The following KRTAP5-8 variants were observed in gnomAD, a reference collection of about 807,000 sequenced individuals.
The protein encoded by KRTAP5-8 is keratin-associated protein 5-8.
A neutral mutation model predicts 2.7 loss-of-function variants in KRTAP5-8; 2 were observed. That is an observed-to-expected ratio of 0.75 (90% CI 0.30 to 2.35). The LOEUF is 2.35. Among genes scored for constraint, KRTAP5-8 ranks in the 30% most tolerant of loss-of-function variants. KRTAP5-8 has a pLI of 0.12. For missense variants in KRTAP5-8, 183 were observed against 227.2 expected (o/e 0.81, Z 1.25); for synonymous variants, 62 against 89.1 (o/e 0.70, Z 1.71).
rs1169047430 is a variant in KRTAP5-8 at position 71,538,189 on chromosome 11, G to A, written c.134G>A (p.Cys45Tyr). Residue 45 changes from cysteine (C) to tyrosine (Y), a missense_variant, in exon 1 of 1, where the codon TGT (cysteine) becomes TAT (tyrosine). This residue lies in a region of KRTAP5-8 where 113 missense variants were observed against 109.3 expected (regional missense o/e 1.03). Transcript: ENST00000398534. ...CCCGTGTGCTGCTGTGTGCCAGCCT[G>A]TTCCTGCTCCAGCTGTGGCTCCTGT... ...CKPVCCCVPACSCSSCGSCGG... is the reference protein window; with the variant it reads ...CKPVCCCVPAYSCSSCGSCGG... 2.5e-6 allele frequency: 4 copies of A among 1,613,140 alleles called. No homozygotes were observed. In the African/African-American group the frequency reaches 5.3e-5, roughly 22 times the overall value.
Position 71,539,003 on chromosome 11 carries a change from A to C in KRTAP5-8, c.*384A>C. ...CCTGGCTCCTCCACCCTTCATCTTCATCCTGCCTGAGCTGCCACAGCTCCG... is the reference window on the plus strand; with the variant it reads ...CCTGGCTCCTCCACCCTTCATCTTCCTCCTGCCTGAGCTGCCACAGCTCCG... On this transcript the variant is annotated 3_prime_UTR_variant, in exon 1 of 1. Transcript: ENST00000398534. The C allele has an allele frequency of 1.6e-5, 6 of 375,070 alleles. No individual in the cohort carries two copies. Among genetic ancestry groups the C allele is most frequent in the East Asian group, 6.1e-5 (1 of 16,476 alleles). 23.2% of individuals were successfully genotyped at this position (375,070 alleles called of 1,614,324 possible).
At position 71,538,666 on chromosome 11, in the gene KRTAP5-8, A is replaced by T. The variant is rs754451212; in HGVS notation, c.*47A>T. ...CTGGTCCCACAGATCTGGGCTCTCC[A>T]GGAATGACTGTAGCTGTGTCCTGAA... On this transcript the variant is annotated 3_prime_UTR_variant, in exon 1 of 1. Transcript: ENST00000398534. 2 of 1,613,970 alleles carry T rather than the reference A, an allele frequency of 1.2e-6. No individual in the cohort carries two copies. The highest frequency in any genetic ancestry group is 3.3e-5 in the Admixed American group (2 of 60,010).
At position 71,538,074 on chromosome 11, in the gene KRTAP5-8, T is replaced by C. The variant is rs1950055064; in HGVS notation, c.19T>C (p.Ser7Pro). 6.2e-7 allele frequency: 1 copy of C among 1,612,524 alleles called. No homozygotes were observed. The highest frequency in any genetic ancestry group is 8.5e-7 in the Non-Finnish European group (1 of 1,179,868). ...CAGAACCATGGGCTGCTGTGGCTGCTCTGGAGGCTGTGGCTCCGGCTGTGG... is the reference window on the plus strand; with the variant it reads ...CAGAACCATGGGCTGCTGTGGCTGCCCTGGAGGCTGTGGCTCCGGCTGTGG... MGCCGC[S>P]GGCGSGCGGC... Residue 7 changes from serine (S) to proline (P), a missense_variant, in exon 1 of 1, where the codon TCT becomes CCT. Ser to Pro is a moderately conservative substitution (Grantham distance 74). This residue lies in a region of KRTAP5-8 where 113 missense variants were observed against 109.3 expected (regional missense o/e 1.03). Transcript: ENST00000398534.
In KRTAP5-8 at chr11:71,538,102, GC is replaced by G; in HGVS notation, c.48del (p.Cys17AlafsTer198). 1 of 1,611,532 alleles carries G rather than the reference GC, an allele frequency of 6.2e-7. No individual in the cohort carries two copies. The highest frequency in any genetic ancestry group is 8.5e-7 in the Non-Finnish European group (1 of 1,179,288). On this transcript the variant is annotated frameshift_variant, in exon 1 of 1. Transcript: ENST00000398534. LOFTEE classifies it low-confidence loss of function (END_TRUNC). ...CSGGCGSGCGGCGSGCGGCGS... is the reference protein window; with the variant it reads ...CSGGCGSGCGXCGSGCGGCGS... Reference sequence around the variant, plus strand: ...GGAGGCTGTGGCTCCGGCTGTGGGGGCTGCGGCTCTGGCTGTGGGGGATGTG... The same window carrying G: ...GGAGGCTGTGGCTCCGGCTGTGGGGGTGCGGCTCTGGCTGTGGGGGATGTG...
In KRTAP5-8 at chr11:71,538,747, C is replaced by T; in HGVS notation, c.*128C>T. On this transcript the variant is annotated 3_prime_UTR_variant, in exon 1 of 1. Coordinates refer to ENST00000398534, the MANE Select transcript of KRTAP5-8 (RefSeq NM_021046.3). Reference sequence around the variant, plus strand: ...CTCTGGACTAAGGCAGCCTAGCGTCCAGGGCTCAGTACTCAGCTGCTCAGC... The same window carrying T: ...CTCTGGACTAAGGCAGCCTAGCGTCTAGGGCTCAGTACTCAGCTGCTCAGC... 1 of 1,571,964 alleles carries T rather than the reference C, an allele frequency of 6.4e-7. No individual in the cohort carries two copies. Among genetic ancestry groups the T allele is most frequent in the Admixed American group, 1.7e-5 (1 of 58,130 alleles).
chr11:71,538,794 T>C lies in KRTAP5-8; in HGVS notation c.*175T>C, dbSNP rs1418347062. The C allele has an allele frequency of 1.4e-5, 19 of 1,350,062 alleles. No individual in the cohort carries two copies. The highest frequency in any genetic ancestry group is 2.8e-5 in the South Asian group (2 of 71,274). 83.6% of individuals were successfully genotyped at this position (1,350,062 alleles called of 1,614,324 possible). On this transcript the variant is annotated 3_prime_UTR_variant, in exon 1 of 1. Transcript: ENST00000398534. ...CAGCCTCTGAGGTCATGAGGGCTTC[T>C]GGCATGCTGGGTGCTGCCCATCAAC...
At position 71,538,028 on chromosome 11, in the gene KRTAP5-8, C is replaced by T. The variant is rs753262202; in HGVS notation, c.-28C>T. 7.1e-5 allele frequency: 115 copies of T among 1,611,946 alleles called. No homozygotes were observed. The highest frequency in any genetic ancestry group is 9.3e-5 in the Non-Finnish European group (110 of 1,179,746). On this transcript the variant is annotated 5_prime_UTR_variant, in exon 1 of 1. Transcript: ENST00000398534. ...CACCTCCCTCTCACCTGCTCCTCTACCTGCTCCACCCTCAACCCACCAGAA... is the reference window on the plus strand; with the variant it reads ...CACCTCCCTCTCACCTGCTCCTCTATCTGCTCCACCCTCAACCCACCAGAA...
Position 71,538,358 on chromosome 11 carries a change from G to C in KRTAP5-8, c.303G>C (p.Gly101=), listed in dbSNP as rs1319857907. 1.9e-6 allele frequency: 3 copies of C among 1,602,386 alleles called. No homozygotes were observed. The highest frequency in any genetic ancestry group is 2.6e-6 in the Non-Finnish European group (3 of 1,173,762). The change falls in exon 1 of 1, where the codon GGG becomes GGC. Residue 101 remains glycine (G), a synonymous_variant. Transcript: ENST00000398534. ...CCTGCTGTTGCTCCTCAGGCTGTGG[G>C]TCATCCTGCTGCCAGTCCAGCTGCT... ...YKPCCCSSGC[G]SSCCQSSCCK...
Position 71,538,345 on chromosome 11 carries a change from C to T in KRTAP5-8, c.290C>T (p.Ser97Phe), listed in dbSNP as rs376584900. The T allele has an allele frequency of 1.8e-5, 29 of 1,600,972 alleles. No individual in the cohort carries two copies. In the African/African-American group the frequency reaches 3.6e-4, roughly 20 times the overall value. Residue 97 changes from serine to phenylalanine, a missense_variant, in exon 1 of 1, where the codon TCC becomes TTC. This residue lies in a region of KRTAP5-8 where 70 missense variants were observed against 117.9 expected (regional missense o/e 0.59). Transcript: ENST00000398534. ...AGCTGCTATAAGCCCTGCTGTTGCT[C>T]CTCAGGCTGTGGGTCATCCTGCTGC... ...QCSCYKPCCC[S>F]SGCGSSCCQS...
Position 71,539,017 on chromosome 11 carries a change from G to A in KRTAP5-8, c.*398G>A, listed in dbSNP as rs1950065507. On this transcript the variant is annotated 3_prime_UTR_variant, in exon 1 of 1. Coordinates refer to ENST00000398534, the MANE Select transcript of KRTAP5-8 (RefSeq NM_021046.3). ...CCTTCATCTTCATCCTGCCTGAGCT[G>A]CCACAGCTCCGATTGTTTTTGGAGT... The A allele has an allele frequency of 5.6e-6, 2 of 354,528 alleles. No individual in the cohort carries two copies. Among genetic ancestry groups the A allele is most frequent in the Admixed American group, 8.6e-5 (2 of 23,316 alleles). 22.0% of individuals were successfully genotyped at this position (354,528 alleles called of 1,614,324 possible).
In KRTAP5-8 at chr11:71,538,996, C is replaced by T. The variant is rs1368329760; in HGVS notation, c.*377C>T. 8 of 401,140 alleles carry T rather than the reference C, an allele frequency of 2.0e-5. No homozygotes were observed. Among genetic ancestry groups the T allele is most frequent in the East Asian group, 1.6e-4 (3 of 18,338 alleles). The allele number at this position is 401,140 out of a possible 1,614,324, so 24.8% of individuals were successfully genotyped here. A position where few individuals can be genotyped will look rare whatever the true frequency, so the allele number is the denominator to read the frequency against. On this transcript the variant is annotated 3_prime_UTR_variant, in exon 1 of 1. Coordinates refer to ENST00000398534, the MANE Select transcript of KRTAP5-8 (RefSeq NM_021046.3). ...GCAACCTCCTGGCTCCTCCACCCTT[C>T]ATCTTCATCCTGCCTGAGCTGCCAC...
Position 71,539,014 on chromosome 11 carries a change from G to GAT in KRTAP5-8, c.*395_*396insAT. On this transcript the variant is annotated 3_prime_UTR_variant, in exon 1 of 1. Coordinates refer to ENST00000398534, the MANE Select transcript of KRTAP5-8 (RefSeq NM_021046.3). ...CACCCTTCATCTTCATCCTGCCTGA[G>GAT]CTGCCACAGCTCCGATTGTTTTTGG... 1 of 361,354 alleles carries GAT rather than the reference G, an allele frequency of 2.8e-6. No homozygotes were observed. The highest frequency in any genetic ancestry group is 5.4e-6 in the Non-Finnish European group (1 of 186,046). 22.4% of individuals were successfully genotyped at this position (361,354 alleles called of 1,614,324 possible).
In KRTAP5-8 at chr11:71,539,023, GCTC is replaced by G. The variant is rs1565619879; in HGVS notation, c.*406_*408del. The G allele has an allele frequency of 2.9e-6, 1 of 343,398 alleles. No homozygotes were observed. Among genetic ancestry groups the G allele is most frequent in the Non-Finnish European group, 5.7e-6 (1 of 176,070 alleles). The allele number at this position is 343,398 out of a possible 1,614,324, so 21.3% of individuals were successfully genotyped here. A position where few individuals can be genotyped will look rare whatever the true frequency, so the allele number is the denominator to read the frequency against. On this transcript the variant is annotated 3_prime_UTR_variant, in exon 1 of 1. Coordinates refer to ENST00000398534, the MANE Select transcript of KRTAP5-8 (RefSeq NM_021046.3). Reference sequence around the variant, plus strand: ...TCTTCATCCTGCCTGAGCTGCCACAGCTCCGATTGTTTTTGGAGTTGACCTAGA... The same window carrying G: ...TCTTCATCCTGCCTGAGCTGCCACAGCGATTGTTTTTGGAGTTGACCTAGA...
chr11:71,538,837 T>G lies in KRTAP5-8; in HGVS notation c.*218T>G. ...CCATCAACCCTCCCAGAATCCCCTC[T>G]TCCTTTCCTGACCTCATCACTTCAA... On this transcript the variant is annotated 3_prime_UTR_variant, in exon 1 of 1. Transcript: ENST00000398534. 1 of 938,682 alleles carries G rather than the reference T, an allele frequency of 1.1e-6. No individual in the cohort carries two copies. The highest frequency in any genetic ancestry group is 1.7e-5 in the South Asian group (1 of 58,082). 58.1% of individuals were successfully genotyped at this position (938,682 alleles called of 1,614,324 possible).
chr11:71,538,724 C>G lies in KRTAP5-8; in HGVS notation c.*105C>G. ...AGCACATCTCTGAGTCTGTCCTCCT[C>G]TGGACTAAGGCAGCCTAGCGTCCAG... On this transcript the variant is annotated 3_prime_UTR_variant, in exon 1 of 1. Coordinates refer to ENST00000398534, the MANE Select transcript of KRTAP5-8 (RefSeq NM_021046.3). 1.3e-6 allele frequency: 2 copies of G among 1,598,576 alleles called. No individual in the cohort carries two copies. The highest frequency in any genetic ancestry group is 1.7e-6 in the Non-Finnish European group (2 of 1,171,496).
Position 71,538,987 on chromosome 11 carries a change from T to A in KRTAP5-8, c.*368T>A. ...CCGGTCCCTGCAACCTCCTGGCTCC[T>A]CCACCCTTCATCTTCATCCTGCCTG... is the stretch of plus-strand genomic sequence containing the variant. On this transcript the variant is annotated 3_prime_UTR_variant, in exon 1 of 1. Coordinates refer to ENST00000398534, the MANE Select transcript of KRTAP5-8 (RefSeq NM_021046.3). The A allele has an allele frequency of 2.4e-6, 1 of 424,368 alleles. No individual in the cohort carries two copies. The highest frequency in any genetic ancestry group is 4.5e-6 in the Non-Finnish European group (1 of 222,710). 26.3% of individuals were successfully genotyped at this position (424,368 alleles called of 1,614,324 possible).
rs992065741 is a variant in KRTAP5-8, at chr11:71,538,906, T to G, written c.*287T>G. 3 of 632,622 alleles carry G rather than the reference T, an allele frequency of 4.7e-6. No individual in the cohort carries two copies. In the Admixed American group the frequency reaches 9.0e-5, roughly 19 times the overall value. 39.2% of individuals were successfully genotyped at this position (632,622 alleles called of 1,614,324 possible). On this transcript the variant is annotated 3_prime_UTR_variant, in exon 1 of 1. Transcript: ENST00000398534. ...ATCCCACATCCCTGGGCCCCTCCTG[T>G]GAGCCTGCTGGAAACACACTGAAAC...
Position 71,538,690 on chromosome 11 carries a change from A to T in KRTAP5-8, c.*71A>T. Reference sequence around the variant, plus strand: ...CAGGAATGACTGTAGCTGTGTCCTGAATTCCTGAAGCACATCTCTGAGTCT... The same window carrying T: ...CAGGAATGACTGTAGCTGTGTCCTGTATTCCTGAAGCACATCTCTGAGTCT... On this transcript the variant is annotated 3_prime_UTR_variant, in exon 1 of 1. Coordinates refer to ENST00000398534, the MANE Select transcript of KRTAP5-8 (RefSeq NM_021046.3). 1.9e-6 allele frequency: 3 copies of T among 1,612,176 alleles called. No homozygotes were observed. Among genetic ancestry groups the T allele is most frequent in the Middle Eastern group, 1.7e-4 (1 of 6,046 alleles).
In KRTAP5-8 at chr11:71,539,022, A is replaced by AC; in HGVS notation, c.*403_*404insC. ...ATCTTCATCCTGCCTGAGCTGCCAC[A>AC]GCTCCGATTGTTTTTGGAGTTGACC... On this transcript the variant is annotated 3_prime_UTR_variant, in exon 1 of 1. Coordinates refer to ENST00000398534, the MANE Select transcript of KRTAP5-8 (RefSeq NM_021046.3). 2.9e-6 allele frequency: 1 copy of AC among 346,520 alleles called. No homozygotes were observed. Among genetic ancestry groups the AC allele is most frequent in the Non-Finnish European group, 5.6e-6 (1 of 177,752 alleles). 21.5% of individuals were successfully genotyped at this position (346,520 alleles called of 1,614,324 possible).
Sources: allele counts gnomAD v4.1 joint callset, GRCh38; gene constraint gnomAD v4.1.1; regional missense constraint gnomAD v4.1.1; transcripts MANE v1.5; gene names NCBI Gene and HGNC (gene_info 2026-07-23, HGNC 2026-07-21).